The following RFC3 variants were observed in gnomAD, a reference collection of about 807,000 sequenced individuals.
RFC3 encodes the protein A1 38 kDa subunit.
In RFC3, 41 loss-of-function variants were observed where a neutral mutation model predicts 45.1. The ratio of observed to expected loss-of-function variants is 0.91; its 90% CI spans 0.71 to 1.18. RFC3 has a LOEUF of 1.18. Ranked by LOEUF, RFC3 falls within the 50% of genes most tolerant of loss-of-function variation. The probability of loss-of-function intolerance (pLI) is 0.00; values close to 1 mark genes in which losing one functional copy is unlikely to be tolerated. For missense variants in RFC3, 423 were observed against 428.1 expected, an observed-to-expected ratio of 0.99 and a Z score of 0.10; for synonymous variants, 149 against 144.0, an observed-to-expected ratio of 1.03 and a Z score of -0.25.
At chr13:33,930,263 A>C (rs948081560) in intron 8 of RFC3, among the ~76,000 whole-genome samples, 1 of 152,090 alleles carries the variant, frequency 6.6e-6, no homozygotes, top group African/African-American at 2.4e-5. Context: ...AGGAGCAAGG[A>C]AGCCAGTTGA....
At chr13:33,851,731 A>AT (rs1385751940) in intron 8 of RFC3, among the ~76,000 whole-genome samples, 2 of 152,112 alleles carry the variant, frequency 1.3e-5, no homozygotes, top group Non-Finnish European at 2.9e-5. Context: ...AACAGTGACT[A>AT]TTTTTTGTGT....
Position 33,876,924 on chromosome 13 carries a change from C to CA in RFC3, c.879+41713dup, listed in dbSNP as rs779370358. 9.9e-5 allele frequency among the ~76,000 whole-genome samples: 15 copies of CA among 152,124 alleles called. No homozygotes were observed. In the East Asian group the frequency reaches 2.9e-3, roughly 29 times the overall value. ...AGATGATAAACCAGTGCGCTTTTCG[C>CA]AAAAAAGCCTGGTGTCTATATAAAT... On this transcript the variant is annotated intron_variant, in intron 8 of 8. Coordinates refer to the RFC3 transcript ENST00000434425.
At chr13:33,867,541 A>C (rs1397975082) in intron 8 of RFC3, among the ~76,000 whole-genome samples, 1 of 152,256 alleles carries the variant, frequency 6.6e-6, no homozygotes. Context: ...TCTAACTGTC[A>C]GGAGGAAATA....
rs549932926 is a variant in RFC3, at chr13:33,938,668, A to G, written c.880-27419A>G. Among the ~76,000 whole-genome samples, 6 of 152,238 alleles carry G rather than the reference A, an allele frequency of 3.9e-5. 1 individual carries two copies. In the East Asian group the frequency reaches 1.2e-3, roughly 29 times the overall value. ...TAGTATGCCATTGTATGAATATATCACAATTCACTACATTTCAGTTTTTTT... is the reference window on the plus strand; with the variant it reads ...TAGTATGCCATTGTATGAATATATCGCAATTCACTACATTTCAGTTTTTTT... On this transcript the variant is annotated intron_variant, in intron 8 of 8. Transcript: ENST00000434425.
chr13:33,923,268 G>A (rs2082781178), intron 8 of RFC3, among the ~76,000 whole-genome samples: 1 of 152,094 alleles, frequency 6.6e-6, no homozygotes, highest in Admixed American at 6.6e-5. Context: ...CTTGCTAGGA[G>A]AAAGGCTCCT....
intron 8 of RFC3, among the ~76,000 whole-genome samples, chr13:33,906,122 G>A (rs527786925): frequency 1.3e-5 from 2 of 152,148 alleles, no homozygotes; most frequent in African/African-American, 4.8e-5. Context: ...TTCTGTTTGT[G>A]TAAGTGTCAC....
intron 8 of RFC3, among the ~76,000 whole-genome samples, chr13:33,857,757 G>A (rs1165158066): frequency 6.6e-6 from 1 of 152,070 alleles, no homozygotes; most frequent in Non-Finnish European, 1.5e-5. Flanking sequence ...AGCACTTATT[G>A]TATATTTCTG....
intron 6 of RFC3, 150 bp from the exon 7 acceptor site, chr13:33,831,106 T>C (rs3135603): frequency 0.16 from 98,059 of 624,108 alleles, 12,493 homozygotes; most frequent in African/African-American, 0.44. Context: ...CGACAGGAGG[T>C]GGAACTCAGG....
At chr13:33,944,038 C>T (rs1489049986) in intron 8 of RFC3, among the ~76,000 whole-genome samples, 1 of 152,082 alleles carries the variant, frequency 6.6e-6, no homozygotes, top group Admixed American at 6.6e-5. Flanking sequence ...CTGCTTGGCC[C>T]TAGAGCATAA....
At chr13:33,856,963 A>C (rs759810822) in intron 8 of RFC3, among the ~76,000 whole-genome samples, 1 of 152,150 alleles carries the variant, frequency 6.6e-6, no homozygotes, top group African/African-American at 2.4e-5. Context: ...CTGCCAACTA[A>C]GCCTGCAGAA....
At chr13:33,870,059 T>C (rs951032148) in intron 8 of RFC3, among the ~76,000 whole-genome samples, 1 of 152,256 alleles carries the variant, frequency 6.6e-6, no homozygotes, top group Admixed American at 6.5e-5. Context: ...TCAGATTTGC[T>C]AAGTACCTAG....
chr13:33,974,100 T>C, the RFC3 span, among the ~76,000 whole-genome samples: 1 of 152,180 alleles, frequency 6.6e-6, no homozygotes, highest in Non-Finnish European at 1.5e-5. Flanking sequence ...TGAGGGTATC[T>C]GAAGAAGACA....
intron 8 of RFC3, among the ~76,000 whole-genome samples, chr13:33,951,163 A>C (rs893620779): frequency 3.3e-5 from 5 of 150,142 alleles, no homozygotes; most frequent in African/African-American, 9.8e-5. Flanking sequence ...TCTAACTAGA[A>C]TGTTAGTTTC....
intron 8 of RFC3, among the ~76,000 whole-genome samples, chr13:33,920,190 A>G (rs1034559955): frequency 6.6e-6 from 1 of 152,086 alleles, no homozygotes; most frequent in African/African-American, 2.4e-5. Context: ...ATGTTATGGG[A>G]AAAAAGCAAT....
intron 8 of RFC3, among the ~76,000 whole-genome samples, chr13:33,919,460 CTAAGT>C (rs1019254114): frequency 1.1e-3 from 169 of 152,162 alleles, no homozygotes; most frequent in African/African-American, 3.7e-3. Flanking sequence ...GACATTTACT[CTAAGT>C]TAAGATGCTC....
At chr13:33,954,815 C>T (rs934660259) in intron 8 of RFC3, among the ~76,000 whole-genome samples, 1 of 152,288 alleles carries the variant, frequency 6.6e-6, no homozygotes, top group African/African-American at 2.4e-5. Flanking sequence ...TTCCCAGAGA[C>T]CTCATCTCCA....
rs368898392 is a variant in RFC3 at position 33,825,763 on chromosome 13, T to C, written c.294-26T>C. The C allele has an allele frequency of 5.0e-4, 706 of 1,412,346 alleles. 1 individual carries two copies. Among genetic ancestry groups the C allele is most frequent in the Non-Finnish European group, 6.6e-4 (675 of 1,016,772 alleles). The allele number at this position is 1,412,346 out of a possible 1,614,324, so 87.5% of individuals were successfully genotyped here. ...TAATAACAATATTAAGGGCATACTA[T>C]ATACCATTATTTTTGTTTTGTGTAG... On this transcript the variant is annotated intron_variant, in intron 3 of 8. Transcript: ENST00000380071.
At chr13:33,858,448 A>AAATT (rs1331322223) in intron 8 of RFC3, among the ~76,000 whole-genome samples, 1 of 152,188 alleles carries the variant, frequency 6.6e-6, no homozygotes, top group Non-Finnish European at 1.5e-5. Context: ...TAGTCTGGCA[A>AAATT]CTTGGCAAAA....
At chr13:33,917,250 T>C (rs1187768675) in intron 8 of RFC3, among the ~76,000 whole-genome samples, 1 of 152,050 alleles carries the variant, frequency 6.6e-6, no homozygotes, top group African/African-American at 2.4e-5. Context: ...GGTAAGCGAG[T>C]CCAGAGTGTC....
Sources: gnomAD v4.1 joint callset for allele counts (sites outside exome capture counted in the v4.1 genomes callset) on GRCh38, gnomAD v4.1.1 for gene constraint, MANE v1.5 for transcripts, NCBI Gene and HGNC (gene_info 2026-07-23, HGNC 2026-07-21) for gene names.